BMX: variants seen among roughly 807,000 people sequenced by gnomAD.
BMX encodes BMX non-receptor tyrosine kinase, also known as cytoplasmic tyrosine-protein kinase BMX.
Under a neutral mutation model 59.2 loss-of-function variants are expected in BMX, and 31 were observed. The observed-to-expected ratio is 0.52, with a 90% CI of 0.39 to 0.71. BMX has a LOEUF of 0.71. Among genes scored for constraint, BMX ranks in the 30% least tolerant of loss-of-function variants. The pLI, the probability that BMX is intolerant of heterozygous loss-of-function variation, is 0.00. For missense variants in BMX, 474 were observed against 491.7 expected (o/e 0.96, Z 0.34); for synonymous variants, 185 against 181.0 (o/e 1.02, Z -0.18).
chrX:15,519,347 T>C (rs751274096), intron 6 of BMX, among the ~76,000 whole-genome samples: 1 of 112,530 alleles, frequency 8.9e-6, no homozygotes, highest in South Asian at 3.7e-4. Context: ...TCCATTATTG[T>C]AGTAGACTGA....
chrX:15,514,815 G>C (rs141980104), intron 4 of BMX, among the ~76,000 whole-genome samples: 1,462 of 111,362 alleles, frequency 0.013, 24 homozygotes, highest in African/African-American at 0.045. Context: ...TCAAGGAAGG[G>C]ATGAGAAGCA....
At chrX:15,536,502 C>CA (rs61657459) in intron 13 of BMX, 75 bp downstream of exon 13, 12,079 of 611,425 alleles carry the variant, frequency 0.02, 200 homozygotes, top group African/African-American at 0.13. Flanking sequence ...AATTTACTGG[C>CA]AAAAAAAAAA....
chrX:15,527,180 C>A (rs1602343578), intron 9 of BMX, among the ~76,000 whole-genome samples: 1 of 52,712 alleles, frequency 1.9e-5, no homozygotes, highest in African/African-American at 7.9e-5. Flanking sequence ...GGCGACAGAG[C>A]AAGACTCTGT....
Position 15,509,380 on chromosome X carries a change from G to A in BMX, c.190G>A (p.Glu64Lys). 8.3e-7 allele frequency: 1 copy of A among 1,208,944 alleles called. No individual in the cohort carries two copies. The highest frequency in any genetic ancestry group is 2.2e-5 in the Admixed American group (1 of 45,780). Residue 64 changes from glutamate (E) to lysine (K), a missense_variant, in exon 3 of 19, where the codon GAG (glutamate) becomes AAG (lysine). Physicochemically the swap from Glu to Lys is moderately conservative, Grantham distance 56. Transcript: ENST00000348343. ...TGAAATTAAGAAAATCAGATGTGTG[G>A]AGAAAGTAAATCTCGAGGAGCAGAC... ...SIEIKKIRCV[E>K]KVNLEEQTPV... is the part of the protein sequence containing the mutation.
At chrX:15,524,471 T>C (rs1924613389) in intron 7 of BMX, among the ~76,000 whole-genome samples, 3 of 112,580 alleles carry the variant, frequency 2.7e-5, no homozygotes, top group African/African-American at 9.7e-5. Flanking sequence ...ACCAGTTGTA[T>C]AGATACTAGG....
At chrX:15,521,286 T>C (rs1924439377) in intron 6 of BMX, among the ~76,000 whole-genome samples, 1 of 112,455 alleles carries the variant, frequency 8.9e-6, no homozygotes, top group Admixed American at 9.4e-5. Flanking sequence ...TTGACTTTTA[T>C]ATGACTGGAA....
At chrX:15,521,357 AT>A (rs1349875298) in intron 6 of BMX, among the ~76,000 whole-genome samples, 1 of 111,962 alleles carries the variant, frequency 8.9e-6, no homozygotes, top group Admixed American at 9.5e-5. Flanking sequence ...AGATTCGCTT[AT>A]TTTTTTAGTA....
intron 9 of BMX, among the ~76,000 whole-genome samples, chrX:15,526,749 C>A (rs1924752286): frequency 9.1e-6 from 1 of 109,403 alleles, no homozygotes; most frequent in East Asian, 2.9e-4. Context: ...CCATGCCCAG[C>A]TAATTTTTGT....
intron 9 of BMX, among the ~76,000 whole-genome samples, chrX:15,528,899 A>G (rs772633909): frequency 8.9e-6 from 1 of 112,071 alleles, no homozygotes; most frequent in Non-Finnish European, 1.9e-5. Flanking sequence ...TATATCCTGT[A>G]TCACAGCCCC....
chrX:15,510,817 G>C (rs1202880630), intron 3 of BMX, among the ~76,000 whole-genome samples: 3 of 112,503 alleles, frequency 2.7e-5, no homozygotes, highest in African/African-American at 9.7e-5. Flanking sequence ...GAATAAACTA[G>C]AGAAGGATCT....
intron 15 of BMX, among the ~76,000 whole-genome samples, chrX:15,542,727 C>T (rs933637627): frequency 5.4e-5 from 6 of 111,641 alleles, no homozygotes; most frequent in African/African-American, 2.0e-4. Flanking sequence ...ACAGGTGCAG[C>T]GTTTATGCCT....
intron 4 of BMX, among the ~76,000 whole-genome samples, chrX:15,512,166 G>A (rs958643061): frequency 2.5e-4 from 28 of 111,491 alleles, no homozygotes; most frequent in African/African-American, 7.8e-4. Flanking sequence ...CTTTTATTCA[G>A]TGATGTTTAG....
At chrX:15,550,706 ACACAC>A (rs1926156848) in intron 18 of BMX, among the ~76,000 whole-genome samples, 1 of 107,596 alleles carries the variant, frequency 9.3e-6, no homozygotes, top group African/African-American at 3.4e-5. Context: ...ACACACACAC[ACACAC>A]AAATAGGACT....
chrX:15,530,388 G>T (rs113742228), intron 10 of BMX, among the ~76,000 whole-genome samples: 1,157 of 111,733 alleles, frequency 0.01, 16 homozygotes, highest in African/African-American at 0.034. Context: ...AGCTGAGGCA[G>T]TCAACTGGAG....
intron 14 of BMX, among the ~76,000 whole-genome samples, chrX:15,541,350 C>A (rs1397583345): frequency 2.7e-5 from 3 of 109,760 alleles, no homozygotes; most frequent in Admixed American, 9.8e-5. Context: ...AACCATCTGC[C>A]ATAATAAAAT....
chrX:15,511,362 CAA>C, intron 3 of BMX, 73 bp from the exon 4 acceptor site: 2 of 885,382 alleles, frequency 2.3e-6, no homozygotes, highest in South Asian at 4.8e-5. Flanking sequence ...TTTTGGATGA[CAA>C]AAAATTTGCA....
chrX:15,553,439 T>A (rs1213926810), intron 18 of BMX, among the ~76,000 whole-genome samples: 4 of 111,860 alleles, frequency 3.6e-5, no homozygotes, highest in Non-Finnish European at 7.5e-5. Context: ...TGTTAGCTGT[T>A]GGAAGGGATT....
At chrX:15,553,692 G>A (rs1201932693) in intron 18 of BMX, among the ~76,000 whole-genome samples, 3 of 111,811 alleles carry the variant, frequency 2.7e-5, no homozygotes, top group Non-Finnish European at 5.6e-5. Flanking sequence ...AGCACTAGAG[G>A]GTCAGACTGG....
intron 4 of BMX, 53 bp downstream of exon 4, chrX:15,511,571 GA>G: frequency 9.4e-7 from 1 of 1,066,545 alleles, no homozygotes; most frequent in South Asian, 2.1e-5. Flanking sequence ...AGCCATAAAA[GA>G]GAGTCGTTTT....
Sources: allele counts gnomAD v4.1 joint callset (sites outside exome capture counted in the v4.1 genomes callset), GRCh38; gene constraint gnomAD v4.1.1; transcripts MANE v1.5; gene names NCBI Gene and HGNC (gene_info 2026-07-23, HGNC 2026-07-21).